The following ZNF726 variants were observed in gnomAD, a reference collection of about 807,000 sequenced individuals.
ZNF726 encodes the protein zinc finger protein 92 pseudogene 3.
Under a neutral mutation model 11.6 loss-of-function variants are expected in ZNF726, and 15 were observed. The observed-to-expected ratio is 1.29, with a 90% CI of 0.86 to 1.99. The LOEUF is 1.99. Ranked by LOEUF, ZNF726 falls within the 30% of genes most tolerant of loss-of-function variation. The pLI is 0.00. For missense variants in ZNF726, 890 were observed against 725.6 expected (o/e 1.23, Z -2.60); for synonymous variants, 295 against 243.6 (o/e 1.21, Z -1.96).
At chr19:23,929,227 G>A (rs1968052876) in intron 3 of ZNF726, 2 of 151,958 alleles carry the variant, frequency 1.3e-5, no homozygotes, top group Admixed American at 6.6e-5. Context: ...GTAGTGATGT[G>A]CTTCAATTAT....
chr19:23,933,343 C>G lies in ZNF726; in HGVS notation c.1227C>G (p.Ser409=), dbSNP rs1330964771. Residue 409 remains serine, a synonymous_variant, in exon 4 of 4, where the codon TCC becomes TCG. Coordinates refer to ENST00000594466, the MANE Select transcript of ZNF726 (RefSeq NM_001244038.2). ...AATGTGGCAAAGCTTTTCATCGATC[C>G]TCAAATCTTACTAAACATAAGATAA... ...CEECGKAFHR[S]SNLTKHKIIH... is the part of the protein sequence containing the mutation. 1 of 1,612,844 alleles carries G rather than the reference C, an allele frequency of 6.2e-7. No individual in the cohort carries two copies. The highest frequency in any genetic ancestry group is 1.7e-5 in the Admixed American group (1 of 59,924).
At chr19:23,940,898 G>A (rs1180407836) in intron 3 of ZNF726, among the ~76,000 whole-genome samples, 1 of 152,118 alleles carries the variant, frequency 6.6e-6, no homozygotes, top group Non-Finnish European at 1.5e-5. Flanking sequence ...GGAGTCCTCA[G>A]GGTTTTCAAG....
At chr19:23,937,127 G>A (rs1474026472), downstream of ZNF726, among the ~76,000 whole-genome samples, 9 of 149,942 alleles carry the variant, frequency 6.0e-5, no homozygotes, top group East Asian at 2.0e-4. Flanking sequence ...GCGGCTGGCC[G>A]GGCGGGGGGG....
At chr19:23,943,174 C>T (rs1968365289) in intron 3 of ZNF726, among the ~76,000 whole-genome samples, 1 of 152,160 alleles carries the variant, frequency 6.6e-6, no homozygotes, top group African/African-American at 2.4e-5. Flanking sequence ...ATGTGCACCA[C>T]CACGCCCAGC....
intron 3 of ZNF726, 171 bp downstream of exon 3, chr19:23,920,253 A>T (rs1967810746): frequency 2.5e-6 from 1 of 393,022 alleles, no homozygotes; most frequent in Non-Finnish European, 4.8e-6. Context: ...GCTTATGCTT[A>T]TAAAATCTCT....
intron 3 of ZNF726, among the ~76,000 whole-genome samples, chr19:23,939,547 G>A (rs1456555456): frequency 3.3e-5 from 5 of 152,200 alleles, no homozygotes; most frequent in Admixed American, 1.3e-4. Context: ...CCAGTGGTGA[G>A]ATTGCTGGAT....
rs774599291 is a variant in ZNF726 at position 23,932,581 on chromosome 19, T to A, written c.465T>A (p.Tyr155Ter). Residue 155 changes from tyrosine (Y) to a stop codon, truncating the protein, a stop_gained, in exon 4 of 4, where the codon TAT becomes TAA. Transcript: ENST00000594466. LOFTEE classifies it low-confidence loss of function (END_TRUNC). ...GTGGTAAATATTTGAAAGTCTTTTA[T>A]AAATTTATAAATTTAAACAGATATA... ...SQCGKYLKVF[Y>*]KFINLNRYKI... 8 of 1,546,500 alleles carry A rather than the reference T, an allele frequency of 5.2e-6. No homozygotes were observed. The Admixed American group carries it at 1.2e-4, about 23-fold the overall frequency.
intron 3 of ZNF726, among the ~76,000 whole-genome samples, chr19:23,927,303 TG>T (rs1406650205): frequency 2.6e-5 from 4 of 152,202 alleles, no homozygotes; most frequent in African/African-American, 9.7e-5. Context: ...CACTGTAGGT[TG>T]TATTGACATT....
At chr19:23,925,953 G>C (rs868440321) in intron 3 of ZNF726, among the ~76,000 whole-genome samples, 1 of 151,816 alleles carries the variant, frequency 6.6e-6, no homozygotes, top group African/African-American at 2.4e-5. Context: ...CTGTCCTCGT[G>C]ATCCGCCTGC....
At position 23,932,494 on chromosome 19, in the gene ZNF726, C is replaced by G; in HGVS notation, c.378C>G (p.His126Gln). The G allele has an allele frequency of 1.3e-6, 2 of 1,588,574 alleles. No individual in the cohort carries two copies. Among genetic ancestry groups the G allele is most frequent in the East Asian group, 4.5e-5 (2 of 44,484 alleles). ...AAAGTGTGGATGAGTGTAAGGTACA[C>G]AAAGAAGGTTATAATGGACTTAACC... is the stretch of plus-strand genomic sequence containing the variant. ...GCKSVDECKV[H>Q]KEGYNGLNQC... Residue 126 changes from histidine to glutamine, a missense_variant, in exon 4 of 4, where the codon CAC becomes CAG. His to Gln is a conservative substitution (Grantham distance 24). Transcript: ENST00000594466.
chr19:23,919,703 T>C (rs1967794784), intron 2 of ZNF726: 4 of 610,148 alleles, frequency 6.6e-6, no homozygotes, highest in Non-Finnish European at 9.8e-6. Flanking sequence ...GTCTTTCGCT[T>C]TAGATTAGTG....
downstream of ZNF726, chr19:23,935,260 A>G (rs1408390068): frequency 2.1e-6 from 1 of 474,674 alleles, no homozygotes; most frequent in Admixed American, 2.3e-5. Context: ...ACTTTTATTA[A>G]ACATAAGGTA....
chr19:23,918,215 G>T (rs193240519), intron 1 of ZNF726, among the ~76,000 whole-genome samples: 1 of 152,158 alleles, frequency 6.6e-6, no homozygotes, highest in South Asian at 2.1e-4. Context: ...AACACAGAGA[G>T]TAAGGAAGTC....
chr19:23,934,265 A>C lies in ZNF726; in HGVS notation c.*298A>C. On this transcript the variant is annotated 3_prime_UTR_variant, in exon 4 of 4. Coordinates refer to ENST00000594466, the MANE Select transcript of ZNF726 (RefSeq NM_001244038.2). ...GCAAAGCATATGGTCCACACCCCTA[A>C]GTAGACATAAGAGGATGCACACTGG... 1.6e-6 allele frequency: 1 copy of C among 631,760 alleles called. No homozygotes were observed. 39.1% of individuals were successfully genotyped at this position (631,760 alleles called of 1,614,324 possible).
At chr19:23,936,410 A>C (rs1968232042), downstream of ZNF726, among the ~76,000 whole-genome samples, 1 of 152,194 alleles carries the variant, frequency 6.6e-6, no homozygotes, top group South Asian at 2.1e-4. Flanking sequence ...AAAATACAGA[A>C]TTTTAAAAAA....
intron 3 of ZNF726, among the ~76,000 whole-genome samples, chr19:23,925,013 A>T (rs956479588): frequency 6.6e-6 from 1 of 152,164 alleles, no homozygotes; most frequent in Non-Finnish European, 1.5e-5. Flanking sequence ...ACATTTACCC[A>T]TTTTATGCTC....
In ZNF726 at chr19:23,932,357, T is replaced by C; in HGVS notation, c.241T>C (p.Phe81Leu). The change falls in exon 4 of 4, where the codon TTT becomes CTT. Residue 81 changes from phenylalanine to leucine, a missense_variant. Physicochemically the swap from Phe to Leu is conservative, Grantham distance 22. Coordinates refer to ENST00000594466, the MANE Select transcript of ZNF726 (RefSeq NM_001244038.2). ...VDEPPGICPH[F>L]AQDIWPEQGV... ...TTTTTTTTTAGGTATATGTCCTCAT[T>C]TTGCTCAAGACATTTGGCCAGAGCA... The C allele has an allele frequency of 7.0e-7, 1 of 1,421,134 alleles. No individual in the cohort carries two copies. The highest frequency in any genetic ancestry group is 2.5e-5 in the East Asian group (1 of 40,176). 88.0% of individuals were successfully genotyped at this position (1,421,134 alleles called of 1,614,324 possible).
rs540467107 is a variant in ZNF726, at chr19:23,933,123, G to T, written c.1007G>T (p.Ser336Ile). ...CTAACTAGACATAAGAGGCTGCACAGTGGAGAGAAACCCTACAAATGTGAA... is the reference window on the plus strand; with the variant it reads ...CTAACTAGACATAAGAGGCTGCACATTGGAGAGAAACCCTACAAATGTGAA... ...STLTRHKRLH[S>I]GEKPYKCEEC... is the part of the protein sequence containing the mutation. The change falls in exon 4 of 4, where the codon AGT (serine) becomes ATT (isoleucine). Residue 336 changes from serine to isoleucine, a missense_variant. By Grantham distance (142) the Ser-to-Ile change is moderately radical (BLOSUM62 -2). Coordinates refer to ENST00000594466, the MANE Select transcript of ZNF726 (RefSeq NM_001244038.2). 104 of 1,609,722 alleles carry T rather than the reference G, an allele frequency of 6.5e-5. No homozygotes were observed. The East Asian group carries it at 2.3e-3, about 35-fold the overall frequency.
In ZNF726 at chr19:23,933,220, C is replaced by A. The variant is rs562487585; in HGVS notation, c.1104C>A (p.Pro368=). ...GGATAATTCATACTGGAGAGAAACC[C>A]TACAAATGTGAAGAATGTGGCAAAG... ...THRIIHTGEK[P]YKCEECGKAF... Residue 368 remains proline (P), a synonymous_variant, in exon 4 of 4, where the codon CCC becomes CCA. Transcript: ENST00000594466. 3.1e-6 allele frequency: 5 copies of A among 1,612,610 alleles called. No homozygotes were observed. In the African/African-American group the frequency reaches 4.0e-5, roughly 13 times the overall value.
Sources: gnomAD v4.1 joint callset for allele counts (sites outside exome capture counted in the v4.1 genomes callset) on GRCh38, gnomAD v4.1.1 for gene constraint, MANE v1.5 for transcripts, NCBI Gene and HGNC (gene_info 2026-07-23, HGNC 2026-07-21) for gene names.